Variants in RAPGEF4 observed in about 807,000 individuals in gnomAD.
RAPGEF4 encodes the protein RAP guanine-nucleotide-exchange factor (GEF) 4.
Under a neutral mutation model 147.9 loss-of-function variants are expected in RAPGEF4, and 66 were observed. The ratio of observed to expected loss-of-function variants is 0.45; its 90% CI spans 0.37 to 0.55. The LOEUF is 0.55. RAPGEF4 is among the 20% of genes least tolerant of loss of function. RAPGEF4 has a pLI of 0.00. For synonymous variants in RAPGEF4, 419 were observed against 442.7 expected (o/e 0.95, Z 0.67); for missense variants, 1,071 against 1,257.3 (o/e 0.85, Z 2.24).
chr2:173,018,870 AG>A, intron 22 of RAPGEF4, 68 bp downstream of exon 22: 1 of 1,557,490 alleles, frequency 6.4e-7, no homozygotes, highest in Non-Finnish European at 8.7e-7. Context: ...AAACTATGTA[AG>A]GAGTTAGCGT....
intron 16 of RAPGEF4, among the ~76,000 whole-genome samples, chr2:173,000,950 G>T (rs1031030014): frequency 6.9e-6 from 1 of 145,908 alleles, no homozygotes; most frequent in Non-Finnish European, 1.5e-5. Flanking sequence ...CGTTCTGCAT[G>T]TATGGTACTG....
At chr2:172,771,951 T>TGG (rs1683658869) in intron 1 of RAPGEF4, among the ~76,000 whole-genome samples, 1 of 152,182 alleles carries the variant, frequency 6.6e-6, no homozygotes, top group Admixed American at 6.5e-5. Context: ...AAGTAATAAC[T>TGG]GTTGGCTGGG....
intron 1 of RAPGEF4, among the ~76,000 whole-genome samples, chr2:172,770,632 A>G (rs145536179): frequency 6.6e-6 from 1 of 152,294 alleles, no homozygotes; most frequent in East Asian, 1.9e-4. Context: ...TCCTGTTCAC[A>G]TTGCACCCAC....
At chr2:172,867,090 G>A (rs1022776791) in intron 4 of RAPGEF4, among the ~76,000 whole-genome samples, 1 of 151,484 alleles carries the variant, frequency 6.6e-6, no homozygotes, top group East Asian at 1.9e-4. Flanking sequence ...TTGTGTCTCA[G>A]TCTCCCTAGT....
chr2:172,857,873 C>T (rs1231966253), intron 4 of RAPGEF4, among the ~76,000 whole-genome samples: 1 of 94,540 alleles, frequency 1.1e-5, no homozygotes, highest in African/African-American at 4.5e-5. Context: ...CAGAGCAAGA[C>T]CCTGTCTCAA....
At chr2:172,767,106 A>T (rs1696919283) in intron 1 of RAPGEF4, among the ~76,000 whole-genome samples, 1 of 152,092 alleles carries the variant, frequency 6.6e-6, no homozygotes, top group Non-Finnish European at 1.5e-5. Flanking sequence ...GTCATCCAAG[A>T]TACAATAAGG....
At chr2:172,744,378 A>T (rs749636623) in intron 1 of RAPGEF4, 2 of 456,332 alleles carry the variant, frequency 4.4e-6, no homozygotes, top group Admixed American at 4.7e-5. Flanking sequence ...TTGTTTTCAC[A>T]TCTTCAAATG....
Position 172,961,157 on chromosome 2 carries a change from T to C in RAPGEF4, c.627T>C (p.Ile209=), listed in dbSNP as rs185601530. 9.3e-6 allele frequency: 15 copies of C among 1,613,132 alleles called. No homozygotes were observed. Among genetic ancestry groups the C allele is most frequent in the Middle Eastern group, 1.7e-4 (1 of 6,058 alleles). The part of the protein sequence containing the change: ...PSEKILRAGK[I]LRNAILSRAP... ...AGAAGATCCTCAGAGCTGGAAAAAT[T>C]TTACGAAATGCCATTCTCTCTCGAG... The change falls in exon 8 of 31, where the codon ATT becomes ATC. Residue 209 remains isoleucine (I), a synonymous_variant. Coordinates refer to ENST00000397081, the MANE Select transcript of RAPGEF4 (RefSeq NM_007023.4).
intron 4 of RAPGEF4, among the ~76,000 whole-genome samples, chr2:172,912,185 G>A (rs143473174): frequency 2.1e-4 from 32 of 152,134 alleles, no homozygotes; most frequent in Admixed American, 8.5e-4. Context: ...GAACTTGAAG[G>A]GTCCAAAGGA....
In RAPGEF4 at chr2:173,018,819, A is replaced by T; in HGVS notation, c.2155+17A>T. On this transcript the variant is annotated intron_variant, in intron 22 of 30. Coordinates refer to ENST00000397081, the MANE Select transcript of RAPGEF4 (RefSeq NM_007023.4). ...CCGGAGGAGGTAACAGTCTTAATTC[A>T]TATTTTAGGCTCTGCAAAATGGGAC... 1.2e-6 allele frequency: 2 copies of T among 1,610,776 alleles called. No homozygotes were observed. The highest frequency in any genetic ancestry group is 1.7e-6 in the Non-Finnish European group (2 of 1,178,328).
At chr2:172,790,789 G>A (rs1226591435) in intron 1 of RAPGEF4, among the ~76,000 whole-genome samples, 1 of 152,204 alleles carries the variant, frequency 6.6e-6, no homozygotes, top group Non-Finnish European at 1.5e-5. Flanking sequence ...CTCAATGAGA[G>A]AGTGGCGTAA....
rs771085890 is a variant in RAPGEF4, at chr2:172,988,701, C to G, written c.1236C>G (p.Val412=). ...TGCTCTACTCTATCCAGGGTGTGGT[C>G]TGCACCCTGCATGAAGGAGATGACT... is the stretch of plus-strand genomic sequence containing the variant. ...VNVVIYGKGV[V]CTLHEGDDFG... is the part of the protein sequence containing the mutation. The change falls in exon 14 of 31, where the codon GTC becomes GTG. Residue 412 remains valine (V), a synonymous_variant. Transcript: ENST00000397081. 1 of 1,612,362 alleles carries G rather than the reference C, an allele frequency of 6.2e-7. No homozygotes were observed. The highest frequency in any genetic ancestry group is 1.1e-5 in the South Asian group (1 of 91,030).
chr2:172,806,465 TC>T (rs1002684686), intron 3 of RAPGEF4, among the ~76,000 whole-genome samples: 1 of 152,236 alleles, frequency 6.6e-6, no homozygotes, highest in Non-Finnish European at 1.5e-5. Context: ...GGATAATAGC[TC>T]TTATCTTAAA....
chr2:173,018,162 A>G (rs2105904872), intron 21 of RAPGEF4, among the ~76,000 whole-genome samples: 1 of 152,246 alleles, frequency 6.6e-6, no homozygotes, highest in African/African-American at 2.4e-5. Context: ...AAGTCTGCTG[A>G]GCTAAATAGC....
chr2:172,932,737 G>A (rs558517356), intron 6 of RAPGEF4, among the ~76,000 whole-genome samples: 1 of 152,172 alleles, frequency 6.6e-6, no homozygotes, highest in South Asian at 2.1e-4. Context: ...GGGTTAGTAT[G>A]GCAGCTTCAC....
chr2:172,900,380 C>G (rs1018289600), intron 4 of RAPGEF4, among the ~76,000 whole-genome samples: 1 of 152,178 alleles, frequency 6.6e-6, no homozygotes, highest in Non-Finnish European at 1.5e-5. Flanking sequence ...GCTGGGACTA[C>G]AGGCATGTGC....
intron 8 of RAPGEF4, chr2:172,965,260 G>T: frequency 2.7e-6 from 1 of 368,348 alleles, no homozygotes; most frequent in Non-Finnish European, 5.0e-6. Flanking sequence ...CTGTTCCTCT[G>T]ATTAGCTTGC....
chr2:172,739,560 A>C (rs1221097341), intron 1 of RAPGEF4, among the ~76,000 whole-genome samples: 2 of 152,056 alleles, frequency 1.3e-5, no homozygotes, highest in African/African-American at 4.8e-5. Context: ...TTATAGAGAC[A>C]GGGTTTCACC....
intron 12 of RAPGEF4, among the ~76,000 whole-genome samples, 185 bp downstream of exon 12, chr2:172,985,678 C>T (rs1575446494): frequency 6.6e-6 from 1 of 152,126 alleles, no homozygotes; most frequent in East Asian, 1.9e-4. Flanking sequence ...GTCAATTATT[C>T]TGAAGTATCG....
Sources: gnomAD v4.1 joint callset for allele counts (sites outside exome capture counted in the v4.1 genomes callset) on GRCh38, gnomAD v4.1.1 for gene constraint, MANE v1.5 for transcripts, NCBI Gene and HGNC (gene_info 2026-07-23, HGNC 2026-07-21) for gene names.